LPAR1: variants seen among roughly 807,000 people sequenced by gnomAD.
LPAR1 encodes LPA receptor 1.
In LPAR1, 5 loss-of-function variants were observed where a neutral mutation model predicts 23.8. The observed-to-expected ratio is 0.21, with a 90% CI of 0.11 to 0.44. The LOEUF is 0.44. LPAR1 is among the 20% of genes least tolerant of loss of function. LPAR1 has a pLI of 0.99. For synonymous variants in LPAR1, 160 were observed against 164.7 expected (o/e 0.97, Z 0.22); for missense variants, 311 against 482.8 (o/e 0.64, Z 3.33).
chr9:110,976,398 C>G (rs1160005307), intron 2 of LPAR1, among the ~76,000 whole-genome samples: 1 of 151,692 alleles, frequency 6.6e-6, no homozygotes, highest in African/African-American at 2.4e-5. Flanking sequence ...CCCAGCTACT[C>G]AGGAGGCTGA....
intron 2 of LPAR1, among the ~76,000 whole-genome samples, chr9:111,025,393 GTTCT>G (rs2097670123): frequency 6.6e-6 from 1 of 152,162 alleles, no homozygotes; most frequent in African/African-American, 2.4e-5. Context: ...TTTTGATGGA[GTTCT>G]TTTTTTCTTG....
intron 2 of LPAR1, among the ~76,000 whole-genome samples, chr9:111,005,546 CAAAAAAAAAAAAAAAAAA>C (rs60143050): frequency 2.8e-5 from 2 of 70,336 alleles, no homozygotes; most frequent in Admixed American, 1.8e-4. Flanking sequence ...GACCCTGTCT[CAAAAAAAAAAAAAAAAAA>C]AAAAAAAAAA....
At chr9:110,889,147 G>A (rs1033630621) in intron 5 of LPAR1, among the ~76,000 whole-genome samples, 1 of 152,148 alleles carries the variant, frequency 6.6e-6, no homozygotes, top group Non-Finnish European at 1.5e-5. Flanking sequence ...AGATCACGAG[G>A]TCAGGAGATC....
At chr9:111,037,366 C>G (rs2097914054) in intron 1 of LPAR1, among the ~76,000 whole-genome samples, 1 of 152,216 alleles carries the variant, frequency 6.6e-6, no homozygotes, top group African/African-American at 2.4e-5. Flanking sequence ...AGCGGAGAGC[C>G]ACAACCTCAG....
intron 2 of LPAR1, among the ~76,000 whole-genome samples, chr9:111,030,732 A>G (rs1465047247): frequency 6.6e-6 from 1 of 152,210 alleles, no homozygotes; most frequent in Non-Finnish European, 1.5e-5. Context: ...CGTTTACAAT[A>G]GCCAGACATT....
intron 2 of LPAR1, among the ~76,000 whole-genome samples, chr9:111,028,819 A>G (rs1021760225): frequency 6.6e-6 from 1 of 152,178 alleles, no homozygotes; most frequent in Admixed American, 6.5e-5. Context: ...CAGCAATATG[A>G]GACTCACTGC....
At chr9:110,949,128 G>C (rs2095489328) in intron 4 of LPAR1, among the ~76,000 whole-genome samples, 1 of 152,060 alleles carries the variant, frequency 6.6e-6, no homozygotes, top group Non-Finnish European at 1.5e-5. Context: ...TCCTGAGTTG[G>C]TGATATCCCC....
At chr9:111,019,861 C>T (rs1039805029) in intron 2 of LPAR1, among the ~76,000 whole-genome samples, 11 of 152,120 alleles carry the variant, frequency 7.2e-5, no homozygotes, top group Admixed American at 2.0e-4. Flanking sequence ...AAGTTCCATA[C>T]GTTAGGTGGC....
At position 110,941,352 on chromosome 9, in the gene LPAR1, A is replaced by T; in HGVS notation, c.793+69T>A. 1 of 1,412,278 alleles carries T rather than the reference A, an allele frequency of 7.1e-7. No individual in the cohort carries two copies. The highest frequency in any genetic ancestry group is 9.6e-7 in the Non-Finnish European group (1 of 1,043,760). 87.5% of individuals were successfully genotyped at this position (1,412,278 alleles called of 1,614,324 possible). ...ATTCATACTGTTGGTTACCTCTGAC[A>T]TAAAATAATGTGGTTTATGTTAGTC... is the stretch of plus-strand genomic sequence containing the variant. On this transcript the variant is annotated intron_variant, in intron 5 of 5. Coordinates refer to ENST00000683809, the MANE Select transcript of LPAR1 (RefSeq NM_001351411.2). The surrounding 1 kb of genome is among the most constrained non-coding windows in gnomAD (Gnocchi z 6.1).
intron 4 of LPAR1, among the ~76,000 whole-genome samples, chr9:110,946,417 T>C (rs1367303293): frequency 1.3e-5 from 2 of 152,050 alleles, no homozygotes; most frequent in African/African-American, 4.8e-5. Flanking sequence ...GGGATCTCAA[T>C]GGTAAAGAAA....
At chr9:110,962,232 T>C (rs953105526) in intron 4 of LPAR1, among the ~76,000 whole-genome samples, 5 of 152,120 alleles carry the variant, frequency 3.3e-5, no homozygotes. Context: ...CCATCAGTCA[T>C]CTCTACACAA....
At chr9:111,016,232 C>T (rs190674214) in intron 2 of LPAR1, among the ~76,000 whole-genome samples, 57 of 152,266 alleles carry the variant, frequency 3.7e-4, no homozygotes, top group African/African-American at 1.3e-3. Context: ...TACATCATTA[C>T]ACTGTGACCA....
intron 1 of LPAR1, among the ~76,000 whole-genome samples, chr9:111,037,166 C>G (rs1447024363): frequency 6.6e-6 from 1 of 152,184 alleles, no homozygotes; most frequent in Non-Finnish European, 1.5e-5. Context: ...GAAAAACAAA[C>G]TGTTAGAGCC....
chr9:111,022,922 G>A (rs1465062644), intron 2 of LPAR1, among the ~76,000 whole-genome samples: 4 of 151,836 alleles, frequency 2.6e-5, no homozygotes, highest in Admixed American at 6.6e-5. Context: ...GCATGGTGGC[G>A]GGTGCCTGTA....
At chr9:110,906,183 G>A (rs1417984706) in intron 5 of LPAR1, among the ~76,000 whole-genome samples, 2 of 151,752 alleles carry the variant, frequency 1.3e-5, no homozygotes, top group Non-Finnish European at 2.9e-5. Context: ...CCCTGCTTAT[G>A]TTTGGGACTT....
chr9:110,966,197 T>G (rs553100436), intron 4 of LPAR1, among the ~76,000 whole-genome samples: 1 of 151,912 alleles, frequency 6.6e-6, no homozygotes, highest in South Asian at 2.1e-4. Context: ...ACCTAGATGA[T>G]GGGCCGGGCA....
At chr9:110,896,425 C>T (rs2086360959) in intron 5 of LPAR1, among the ~76,000 whole-genome samples, 1 of 152,176 alleles carries the variant, frequency 6.6e-6, no homozygotes, top group South Asian at 2.1e-4. Context: ...GCAACCCACA[C>T]TTGAAACATT....
chr9:111,019,005 C>T (rs1354538625), intron 2 of LPAR1, among the ~76,000 whole-genome samples: 1 of 152,244 alleles, frequency 6.6e-6, no homozygotes, highest in Admixed American at 6.5e-5. Context: ...TAAAAACACA[C>T]ATTTGTTACT....
At chr9:110,983,777 T>A in intron 2 of LPAR1, among the ~76,000 whole-genome samples, 1 of 150,356 alleles carries the variant, frequency 6.7e-6, no homozygotes, top group East Asian at 2.0e-4. Flanking sequence ...AAAAATCAAA[T>A]GGGGAAAATA....
Sources: allele counts gnomAD v4.1 joint callset (sites outside exome capture counted in the v4.1 genomes callset), GRCh38; gene constraint gnomAD v4.1.1; non-coding constraint Gnocchi (gnomAD v3.1); transcripts MANE v1.5; gene names NCBI Gene and HGNC (gene_info 2026-07-23, HGNC 2026-07-21).